RASGRF2: variants seen among roughly 807,000 people sequenced by gnomAD.
RASGRF2 encodes Ras protein specific guanine nucleotide releasing factor 2, also known as ras-specific guanine nucleotide-releasing factor 2.
RASGRF2 carries 76 observed loss-of-function variants against 151.0 expected under a neutral mutation model. That is an observed-to-expected ratio of 0.50 (90% CI 0.42 to 0.61). The LOEUF is 0.61. Among genes scored for constraint, RASGRF2 ranks in the 20% least tolerant of loss-of-function variants. The pLI is 0.00. For synonymous variants in RASGRF2, 504 were observed against 566.5 expected, an observed-to-expected ratio of 0.89 and a Z score of 1.57; for missense variants, 1,148 against 1,564.6, an observed-to-expected ratio of 0.73 and a Z score of 4.49.
chr5:81,028,485 C>T (rs1448112101), intron 1 of RASGRF2, among the ~76,000 whole-genome samples: 1 of 151,974 alleles, frequency 6.6e-6, no homozygotes, highest in Non-Finnish European at 1.5e-5. Flanking sequence ...ATATATCTAT[C>T]TGGCCCCTCA....
chr5:81,113,756 C>A lies in RASGRF2; in HGVS notation c.2306C>A (p.Thr769Asn), dbSNP rs1753069911. Residue 769 changes from threonine to asparagine, a missense_variant, in exon 15 of 27, where the codon ACC becomes AAC. Transcript: ENST00000265080. ...DLTTSSSPTT[T>N]TQSPAASPPP... ...ACAACTTCCAGCAGTCCCACCACCA[C>A]CACCCAGAGTCCCGCTGCGTCTCCA... 6.2e-7 allele frequency: 1 copy of A among 1,614,154 alleles called. No individual in the cohort carries two copies. Among genetic ancestry groups the A allele is most frequent in the Non-Finnish European group, 8.5e-7 (1 of 1,180,008 alleles).
At chr5:81,082,128 G>A (rs905845945) in intron 7 of RASGRF2, among the ~76,000 whole-genome samples, 8 of 152,102 alleles carry the variant, frequency 5.3e-5, no homozygotes, top group Non-Finnish European at 7.4e-5. Context: ...AGGTAGAGTC[G>A]TGAAAGACAC....
chr5:81,112,514 A>G, intron 13 of RASGRF2, 96 bp from the exon 14 acceptor site: 1 of 1,509,182 alleles, frequency 6.6e-7, no homozygotes, highest in Non-Finnish European at 9.1e-7. Flanking sequence ...TGAGAAGCCC[A>G]CTCCTGAGTG....
chr5:80,989,717 G>A (rs1034858606), intron 1 of RASGRF2, among the ~76,000 whole-genome samples: 2 of 152,166 alleles, frequency 1.3e-5, no homozygotes, highest in African/African-American at 2.4e-5. Context: ...GAAATAAAAG[G>A]TTCCATTTTG....
Position 81,094,871 on chromosome 5 carries a change from A to T in RASGRF2, c.1634A>T (p.Gln545Leu). The T allele has an allele frequency of 6.2e-7, 1 of 1,603,462 alleles. No individual in the cohort carries two copies. The highest frequency in any genetic ancestry group is 8.5e-7 in the Non-Finnish European group (1 of 1,171,330). ...TGTGTTCAAGCTAAAGGTTCTGGGC[A>T]AGTGTTTGGGCACCTGGATTTTAAA... ...ASDDDSKGSG[Q>L]VFGHLDFKIV... Residue 545 changes from glutamine (Q) to leucine (L), a missense_variant, in exon 12 of 27, where the codon CAA becomes CTA. Coordinates refer to ENST00000265080, the MANE Select transcript of RASGRF2 (RefSeq NM_006909.3).
intron 18 of RASGRF2, among the ~76,000 whole-genome samples, chr5:81,184,336 T>A (rs931750863): frequency 3.3e-5 from 5 of 152,202 alleles, no homozygotes; most frequent in African/African-American, 1.2e-4. Context: ...AACCACATGT[T>A]CCCGTGATTG....
intron 18 of RASGRF2, 118 bp downstream of exon 18, chr5:81,180,399 T>C (rs1754886759): frequency 3.0e-6 from 2 of 662,834 alleles, no homozygotes; most frequent in Non-Finnish European, 5.5e-6. Flanking sequence ...ACCTTGACAC[T>C]GGAACTTAGG....
chr5:81,165,868 A>G (rs889241700), intron 17 of RASGRF2, among the ~76,000 whole-genome samples: 1 of 148,244 alleles, frequency 6.7e-6, no homozygotes, highest in Non-Finnish European at 1.5e-5. Context: ...ACCTTCTATA[A>G]GCCCTGGGAC....
chr5:81,022,527 G>A (rs1427639223), intron 1 of RASGRF2, among the ~76,000 whole-genome samples: 1 of 152,196 alleles, frequency 6.6e-6, no homozygotes, highest in Non-Finnish European at 1.5e-5. Flanking sequence ...TGGCACTGAA[G>A]CTCTTTGGCA....
chr5:81,128,597 G>A (rs1283589470), intron 17 of RASGRF2, among the ~76,000 whole-genome samples: 1 of 152,098 alleles, frequency 6.6e-6, no homozygotes, highest in Non-Finnish European at 1.5e-5. Flanking sequence ...AATGCTAAAA[G>A]CATATGCAAG....
intron 2 of RASGRF2, among the ~76,000 whole-genome samples, chr5:81,064,766 T>C (rs1254676247): frequency 6.6e-6 from 1 of 152,226 alleles, no homozygotes; most frequent in Non-Finnish European, 1.5e-5. Flanking sequence ...CTATACCCTT[T>C]AGCCCACACA....
At position 80,975,935 on chromosome 5, in the gene RASGRF2, C is replaced by T. The variant is rs80123200; in HGVS notation, c.288+14909C>T. 7.3e-3 allele frequency among the ~76,000 whole-genome samples: 1,100 copies of T among 151,650 alleles called. 14 individuals carry two copies. Among genetic ancestry groups the T allele is most frequent in the African/African-American group, 0.021 (852 of 41,218 alleles). On this transcript the variant is annotated intron_variant, in intron 1 of 26. Transcript: ENST00000265080. ...ATGGCACGATCTCCAACCTCCGCCT[C>T]CCAGGTTCAAGCGATTCTCCTGCCT...
At chr5:81,080,940 A>G in intron 7 of RASGRF2, 151 bp downstream of exon 7, 1 of 657,922 alleles carries the variant, frequency 1.5e-6, no homozygotes, top group Non-Finnish European at 2.5e-6. Context: ...TGACCCTGAG[A>G]TAAACAAATA....
At chr5:81,026,178 C>T (rs112071414) in intron 1 of RASGRF2, among the ~76,000 whole-genome samples, 3 of 122,596 alleles carry the variant, frequency 2.4e-5, no homozygotes, top group Non-Finnish European at 5.4e-5. Flanking sequence ...CTCCCTTCCT[C>T]CCTTCCTTCC....
intron 19 of RASGRF2, among the ~76,000 whole-genome samples, chr5:81,203,074 A>G (rs1387380941): frequency 6.6e-6 from 1 of 152,258 alleles, no homozygotes; most frequent in Admixed American, 6.5e-5. Context: ...AAGTAAGCCC[A>G]GGGATTCCAC....
chr5:81,084,029 GC>G (rs1424607398), intron 7 of RASGRF2, among the ~76,000 whole-genome samples: 4 of 152,190 alleles, frequency 2.6e-5, no homozygotes, highest in African/African-American at 9.7e-5. Context: ...AACTTCGTTT[GC>G]CTGCTTTTTG....
rs376029716 is a variant in RASGRF2, at chr5:81,030,428, C to G, written c.289-12449C>G. Among the ~76,000 whole-genome samples the G allele has an allele frequency of 1.3e-4, 20 of 152,280 alleles. No individual in the cohort carries two copies. In the East Asian group the frequency reaches 3.7e-3, roughly 28 times the overall value. ...AGGTCAGGTTACCCACAAAGGGAAG[C>G]CCATCAGATTAACAGCAGATCTCTT... On this transcript the variant is annotated intron_variant, in intron 1 of 26. Coordinates refer to ENST00000265080, the MANE Select transcript of RASGRF2 (RefSeq NM_006909.3).
At chr5:81,093,226 T>C (rs1403206095) in intron 10 of RASGRF2, among the ~76,000 whole-genome samples, 1 of 152,248 alleles carries the variant, frequency 6.6e-6, no homozygotes, top group Non-Finnish European at 1.5e-5. Context: ...TATACTGTAC[T>C]GTATCTGTAT....
chr5:81,153,344 G>A (rs1046114696), intron 17 of RASGRF2, among the ~76,000 whole-genome samples: 1 of 152,222 alleles, frequency 6.6e-6, no homozygotes, highest in Non-Finnish European at 1.5e-5. Flanking sequence ...TACTCACAAG[G>A]ATCTCTAAAA....
Sources: gnomAD v4.1 joint callset for allele counts (sites outside exome capture counted in the v4.1 genomes callset) on GRCh38, gnomAD v4.1.1 for gene constraint, MANE v1.5 for transcripts, NCBI Gene and HGNC (gene_info 2026-07-23, HGNC 2026-07-21) for gene names.